The following CACNB4 variants were observed in gnomAD, a reference collection of about 807,000 sequenced individuals.
CACNB4 encodes the protein voltage-dependent L-type calcium channel subunit beta-4.
A neutral mutation model predicts 71.2 loss-of-function variants in CACNB4; 32 were observed. The ratio of observed to expected loss-of-function variants is 0.45; its 90% CI spans 0.34 to 0.60. The LOEUF is 0.60. CACNB4 is among the 20% of genes least tolerant of loss of function. The pLI is 0.01. For synonymous variants in CACNB4, 231 were observed against 236.9 expected (o/e 0.97, Z 0.23); for missense variants, 464 against 647.9 (o/e 0.72, Z 3.08).
At chr2:152,056,784 T>C (rs1158543688) in intron 2 of CACNB4, among the ~76,000 whole-genome samples, 2 of 152,208 alleles carry the variant, frequency 1.3e-5, no homozygotes, top group African/African-American at 2.4e-5. Flanking sequence ...CTGAAATCCC[T>C]AGACAATAAG....
At chr2:152,032,444 G>A (rs1245417715) in intron 2 of CACNB4, among the ~76,000 whole-genome samples, 2 of 152,084 alleles carry the variant, frequency 1.3e-5, no homozygotes, top group Non-Finnish European at 1.5e-5. Context: ...ACTATTGATG[G>A]TGGCACATCT....
At chr2:151,997,622 C>T (rs1302052836) in intron 2 of CACNB4, among the ~76,000 whole-genome samples, 1 of 152,098 alleles carries the variant, frequency 6.6e-6, no homozygotes, top group African/African-American at 2.4e-5. Context: ...GTGATGTAAC[C>T]ATGAGCCAAG....
intron 2 of CACNB4, among the ~76,000 whole-genome samples, chr2:151,904,459 G>A (rs981254345): frequency 1.3e-5 from 2 of 151,430 alleles, no homozygotes; most frequent in Non-Finnish European, 1.5e-5. Context: ...AACCAGGTGG[G>A]AAAAAAATCC....
intron 2 of CACNB4, among the ~76,000 whole-genome samples, chr2:151,897,743 T>C (rs1240355415): frequency 6.6e-6 from 1 of 152,198 alleles, no homozygotes; most frequent in Non-Finnish European, 1.5e-5. Context: ...ACTAGACATT[T>C]GCTTTCAAGC....
intron 2 of CACNB4, among the ~76,000 whole-genome samples, chr2:151,934,527 C>A (rs1460117916): frequency 6.6e-6 from 1 of 152,216 alleles, no homozygotes; most frequent in African/African-American, 2.4e-5. Context: ...GAATGACAGA[C>A]GTGAGACTCA....
At chr2:152,062,253 T>C (rs1435485003) in intron 2 of CACNB4, among the ~76,000 whole-genome samples, 3 of 151,418 alleles carry the variant, frequency 2.0e-5, no homozygotes, top group Non-Finnish European at 4.4e-5. Flanking sequence ...AAAAAAAAAC[T>C]AGCTAGAGAG....
intron 2 of CACNB4, among the ~76,000 whole-genome samples, chr2:151,903,812 C>T (rs910447267): frequency 7.9e-5 from 12 of 152,206 alleles, no homozygotes; most frequent in African/African-American, 4.8e-5. Context: ...TTTCTCCTTG[C>T]CCATCTGGCA....
At chr2:151,881,593 C>A (rs1037283125) in intron 3 of CACNB4, among the ~76,000 whole-genome samples, 3 of 152,226 alleles carry the variant, frequency 2.0e-5, no homozygotes, top group African/African-American at 7.2e-5. Flanking sequence ...TGCTGCCACC[C>A]AAATTCGGGT....
chr2:151,935,804 CGGAT>C lies in CACNB4; in HGVS notation c.148-52438_148-52435del, dbSNP rs750651507. On this transcript the variant is annotated intron_variant, in intron 2 of 13. Transcript: ENST00000539935. The stretch of plus-strand genomic sequence containing the variant: ...AAGGCTATTAGATATTCTTCAAGAT[CGGAT>C]GTGTTCTTTTATTCAACTGAAGTAT... 2.0e-5 allele frequency among the ~76,000 whole-genome samples: 3 copies of C among 152,162 alleles called. No homozygotes were observed. The South Asian group carries it at 6.2e-4, about 32-fold the overall frequency.
At chr2:152,000,501 A>G (rs1430303796) in intron 2 of CACNB4, among the ~76,000 whole-genome samples, 3 of 152,174 alleles carry the variant, frequency 2.0e-5, no homozygotes, top group African/African-American at 7.2e-5. Context: ...GATATTCCAT[A>G]TATGTTCTCT....
chr2:151,934,419 A>T (rs1396311008), intron 2 of CACNB4, among the ~76,000 whole-genome samples: 3 of 152,212 alleles, frequency 2.0e-5, no homozygotes, highest in African/African-American at 7.2e-5. Flanking sequence ...CACCTACCAG[A>T]TACTGTTCTA....
chr2:152,055,497 C>A (rs1009250323), intron 2 of CACNB4, among the ~76,000 whole-genome samples: 4 of 152,134 alleles, frequency 2.6e-5, no homozygotes, highest in Admixed American at 2.6e-4. Context: ...ACTTTAGCAG[C>A]AGGGCCTCTC....
intron 2 of CACNB4, among the ~76,000 whole-genome samples, chr2:151,928,413 C>T (rs1225981601): frequency 6.6e-6 from 1 of 152,174 alleles, no homozygotes; most frequent in Non-Finnish European, 1.5e-5. Flanking sequence ...GACCATGCCT[C>T]ATTTATTCCT....
chr2:151,934,032 T>C (rs2099862310), intron 2 of CACNB4, among the ~76,000 whole-genome samples: 1 of 149,526 alleles, frequency 6.7e-6, no homozygotes, highest in African/African-American at 2.5e-5. Flanking sequence ...AAGGAAGGAA[T>C]AGCTGAACTA....
At chr2:151,851,953 C>G (rs1272915702) in intron 12 of CACNB4, 1 of 152,166 alleles carries the variant, frequency 6.6e-6, no homozygotes, top group Non-Finnish European at 1.5e-5. Context: ...ATCATACATT[C>G]CACTGTGTAA....
At chr2:151,933,016 C>T (rs1298917675) in intron 2 of CACNB4, among the ~76,000 whole-genome samples, 4 of 151,654 alleles carry the variant, frequency 2.6e-5, no homozygotes, top group South Asian at 4.2e-4. Context: ...GGAACATGGC[C>T]CTGCCAACAC....
In CACNB4 at chr2:151,838,306, C is replaced by T. The variant is rs1377916702; in HGVS notation, c.*813G>A. ...TATGCTTGGGCCTCTCTTTACTATT[C>T]TCTCTCACTGCTGAAAAAAATTTGA... On this transcript the variant is annotated 3_prime_UTR_variant, in exon 14 of 14. Transcript: ENST00000539935. 2 of 152,600 alleles carry T rather than the reference C, an allele frequency of 1.3e-5. No individual in the cohort carries two copies. Among genetic ancestry groups the T allele is most frequent in the Non-Finnish European group, 2.9e-5 (2 of 68,032 alleles). The allele number at this position is 152,600 out of a possible 1,614,324, so 9.5% of individuals were successfully genotyped here.
In CACNB4 at chr2:152,098,899, T is replaced by A. The variant is rs778968053; in HGVS notation, c.63+50A>T. The A allele has an allele frequency of 1.2e-5, 13 of 1,083,526 alleles. No individual in the cohort carries two copies. The South Asian group carries it at 1.2e-4, about 10-fold the overall frequency. The allele number at this position is 1,083,526 out of a possible 1,614,324, so 67.1% of individuals were successfully genotyped here. ...GGGCGCGCTAGGGCGGCGGAGGAGG[T>A]GTGAGGAAGGAAGAGGAGGAAGAGG... On this transcript the variant is annotated intron_variant, in intron 1 of 13. Transcript: ENST00000539935. The surrounding 1 kb of genome is among the most constrained non-coding windows in gnomAD (Gnocchi z 5.3).
At chr2:151,973,785 T>G (rs558509066) in intron 2 of CACNB4, 1 of 1,572,968 alleles carries the variant, frequency 6.4e-7, no homozygotes, top group Non-Finnish European at 8.6e-7. Flanking sequence ...AGCTACAGCT[T>G]AAAGAGAAAA....
Sources: allele counts gnomAD v4.1 joint callset (sites outside exome capture counted in the v4.1 genomes callset), GRCh38; gene constraint gnomAD v4.1.1; non-coding constraint Gnocchi (gnomAD v3.1); transcripts MANE v1.5; gene names NCBI Gene and HGNC (gene_info 2026-07-23, HGNC 2026-07-21).